Variants in RANBP17 observed in about 807,000 individuals in gnomAD.
The protein encoded by RANBP17 is RAN binding protein 17, also known as ran-binding protein 17.
A neutral mutation model predicts 141.2 loss-of-function variants in RANBP17; 158 were observed. That is an observed-to-expected ratio of 1.12 (90% CI 0.98 to 1.28). The LOEUF (loss-of-function observed/expected upper bound fraction) is 1.28. RANBP17 is among the 50% of genes most tolerant of loss of function. RANBP17 has a pLI of 0.00. For synonymous variants in RANBP17, 430 were observed against 450.0 expected, an observed-to-expected ratio of 0.96 and a Z score of 0.56; for missense variants, 1,438 against 1,290.7, an observed-to-expected ratio of 1.11 and a Z score of -1.75.
intron 14 of RANBP17, among the ~76,000 whole-genome samples, chr5:171,002,644 T>G (rs1030296309): frequency 6.6e-6 from 1 of 152,060 alleles, no homozygotes. Context: ...GGCAATGAGT[T>G]TGGCTTGCTG....
chr5:170,885,097 A>G lies in RANBP17; in HGVS notation c.256+3201A>G, dbSNP rs144757045. Among the ~76,000 whole-genome samples the G allele has an allele frequency of 4.3e-4, 66 of 152,244 alleles. 1 individual carries two copies. The highest frequency in any genetic ancestry group is 1.4e-3 in the African/African-American group (60 of 41,540). The stretch of plus-strand genomic sequence containing the variant: ...AGTAAATCCTTAAAGGCTTTTTAGT[A>G]GCAGACTTCCAAAAGATTCAGGAAT... On this transcript the variant is annotated intron_variant, in intron 3 of 27. Coordinates refer to ENST00000523189, the MANE Select transcript of RANBP17 (RefSeq NM_022897.5).
intron 14 of RANBP17, chr5:171,029,346 T>A (rs1337404703): frequency 3.3e-5 from 5 of 152,666 alleles, no homozygotes; most frequent in Non-Finnish European, 7.3e-5. Flanking sequence ...TCTTCATTTT[T>A]ATTTTATGCG....
At chr5:171,237,093 G>T (rs1025704504) in intron 22 of RANBP17, among the ~76,000 whole-genome samples, 1 of 152,122 alleles carries the variant, frequency 6.6e-6, no homozygotes, top group Non-Finnish European at 1.5e-5. Flanking sequence ...ACACCTGAGA[G>T]TCGGTCGCAG....
chr5:171,241,065 T>C lies in RANBP17; in HGVS notation c.2560T>C (p.Tyr854His). The stretch of plus-strand genomic sequence containing the variant: ...TGTCAGCTTTGGCGTCTTCAAGTTG[T>C]ATGGGGACAACCATTTTGACAATGT... ...NYVSFGVFKL[Y>H]GDNHFDNVLQ... The change falls in exon 23 of 28, where the codon TAT (tyrosine) becomes CAT (histidine). Residue 854 changes from tyrosine (Y) to histidine (H), a missense_variant. Tyr to His is a moderately conservative substitution (Grantham distance 83). Transcript: ENST00000523189. The C allele has an allele frequency of 6.2e-7, 1 of 1,614,006 alleles. No individual in the cohort carries two copies. Among genetic ancestry groups the C allele is most frequent in the Non-Finnish European group, 8.5e-7 (1 of 1,179,934 alleles).
chr5:170,936,960 C>G (rs752328321), intron 12 of RANBP17, among the ~76,000 whole-genome samples: 2 of 152,142 alleles, frequency 1.3e-5, no homozygotes, highest in Non-Finnish European at 2.9e-5. Flanking sequence ...CCACTGTCTT[C>G]TTATGCTTAC....
intron 5 of RANBP17, among the ~76,000 whole-genome samples, chr5:170,898,031 G>A (rs1049383262): frequency 2.4e-4 from 36 of 152,198 alleles, no homozygotes; most frequent in Non-Finnish European, 4.7e-4. Flanking sequence ...CATCAACAAT[G>A]TAAAAGCGTT....
In RANBP17 at chr5:171,199,286, C is replaced by T. The variant is rs60852649; in HGVS notation, c.2039-384C>T. On this transcript the variant is annotated intron_variant, in intron 18 of 27. Coordinates refer to ENST00000523189, the MANE Select transcript of RANBP17 (RefSeq NM_022897.5). ...ACCTGAGTCTTTGAGCCCTTTAGGG[C>T]CTTGGCACCCAAAGAGAAGGGGGAA... Among the ~76,000 whole-genome samples, 1,022 of 152,090 alleles carry T rather than the reference C, an allele frequency of 6.7e-3. 10 individuals carry two copies. The highest frequency in any genetic ancestry group is 0.024 in the African/African-American group (985 of 41,490).
chr5:170,978,577 A>G (rs926216268), intron 14 of RANBP17, among the ~76,000 whole-genome samples: 5 of 152,206 alleles, frequency 3.3e-5, no homozygotes, highest in Non-Finnish European at 7.4e-5. Context: ...TACAATAATC[A>G]CTTCAGCTAT....
intron 14 of RANBP17, among the ~76,000 whole-genome samples, chr5:171,096,325 C>T (rs1380432456): frequency 3.3e-5 from 5 of 152,104 alleles, no homozygotes; most frequent in African/African-American, 1.2e-4. Flanking sequence ...GTTGCCATAT[C>T]ATACTTATTA....
chr5:170,991,372 G>T (rs1051451403), intron 14 of RANBP17, among the ~76,000 whole-genome samples: 1 of 151,960 alleles, frequency 6.6e-6, no homozygotes, highest in African/African-American at 2.4e-5. Context: ...ATAAGACAAT[G>T]ATGATTATTT....
chr5:171,053,408 G>A (rs1783099130), intron 14 of RANBP17, among the ~76,000 whole-genome samples: 1 of 151,930 alleles, frequency 6.6e-6, no homozygotes, highest in Non-Finnish European at 1.5e-5. Flanking sequence ...TTCTGCCCAT[G>A]TAGAATTTTC....
chr5:171,150,226 C>G (rs1758374636), intron 14 of RANBP17, among the ~76,000 whole-genome samples: 1 of 151,828 alleles, frequency 6.6e-6, no homozygotes. Context: ...CCATTTAATC[C>G]TCCAGAGAAT....
At chr5:170,992,236 T>C (rs1032683033) in intron 14 of RANBP17, among the ~76,000 whole-genome samples, 1 of 151,996 alleles carries the variant, frequency 6.6e-6, no homozygotes, top group Non-Finnish European at 1.5e-5. Flanking sequence ...TCGGGGGTAG[T>C]AGTCATGAAA....
chr5:171,224,685 T>G (rs1763783852), intron 22 of RANBP17, among the ~76,000 whole-genome samples: 1 of 151,302 alleles, frequency 6.6e-6, no homozygotes, highest in African/African-American at 2.4e-5. Context: ...TGAAGTGGAG[T>G]GGGGGAAGAG....
intron 14 of RANBP17, among the ~76,000 whole-genome samples, chr5:171,088,501 T>C (rs1162550332): frequency 1.3e-5 from 2 of 152,190 alleles, no homozygotes; most frequent in Admixed American, 6.5e-5. Flanking sequence ...TGAATCTGAA[T>C]GTTGGCCTGC....
intron 25 of RANBP17, among the ~76,000 whole-genome samples, chr5:171,267,731 T>G (rs1362295579): frequency 1.3e-5 from 2 of 151,822 alleles, no homozygotes; most frequent in Non-Finnish European, 2.9e-5. Flanking sequence ...TGCTTGAACC[T>G]GGGAAGCAGA....
intron 14 of RANBP17, among the ~76,000 whole-genome samples, chr5:171,066,493 C>T (rs567581518): frequency 3.5e-4 from 54 of 152,240 alleles, no homozygotes; most frequent in Non-Finnish European, 5.6e-4. Context: ...TTGCAAATGA[C>T]GGGATATCCT....
chr5:170,906,270 C>T (rs1453902564), intron 5 of RANBP17, among the ~76,000 whole-genome samples: 1 of 151,996 alleles, frequency 6.6e-6, no homozygotes, highest in South Asian at 2.1e-4. Context: ...TTATTAGTTT[C>T]CTTCAATCTG....
At chr5:170,924,953 CG>C in intron 12 of RANBP17, 1 of 153,266 alleles carries the variant, frequency 6.5e-6, no homozygotes, top group East Asian at 1.9e-4. Context: ...TATTAGCCTT[CG>C]TTATGGCTTT....
Sources: gnomAD v4.1 joint callset for allele counts (sites outside exome capture counted in the v4.1 genomes callset) on GRCh38, gnomAD v4.1.1 for gene constraint, MANE v1.5 for transcripts, NCBI Gene and HGNC (gene_info 2026-07-23, HGNC 2026-07-21) for gene names.